The following CYSTM1 variants were observed in gnomAD, a reference collection of about 807,000 sequenced individuals.
CYSTM1 encodes cysteine rich transmembrane module containing 1.
Under a neutral mutation model 13.1 loss-of-function variants are expected in CYSTM1, and 4 were observed. That is an observed-to-expected ratio of 0.31 (90% CI 0.15 to 0.70). CYSTM1 has a LOEUF of 0.70. Ranked by LOEUF, CYSTM1 falls within the 30% of genes least tolerant of loss-of-function variation. The pLI is 0.72. For missense variants in CYSTM1, 96 were observed against 121.6 expected, an observed-to-expected ratio of 0.79 and a Z score of 0.99; for synonymous variants, 36 against 42.7, an observed-to-expected ratio of 0.84 and a Z score of 0.62.
chr5:140,210,249 C>G (rs891603649), intron 2 of CYSTM1, among the ~76,000 whole-genome samples: 3 of 152,246 alleles, frequency 2.0e-5, no homozygotes, highest in South Asian at 2.1e-4. Flanking sequence ...TTTTGTCATA[C>G]GCAACTTTTC....
At chr5:140,216,032 T>C (rs527801654) in intron 2 of CYSTM1, among the ~76,000 whole-genome samples, 55 of 152,128 alleles carry the variant, frequency 3.6e-4, no homozygotes, top group African/African-American at 1.3e-3. Context: ...GTCCCAGATA[T>C]TTGGGAGACT....
intron 2 of CYSTM1, among the ~76,000 whole-genome samples, chr5:140,221,947 T>G (rs929169602): frequency 6.6e-6 from 1 of 152,262 alleles, no homozygotes; most frequent in Non-Finnish European, 1.5e-5. Context: ...ATTGACCACA[T>G]TTCAGCTGGC....
intron 2 of CYSTM1, among the ~76,000 whole-genome samples, chr5:140,217,837 A>T (rs1248161997): frequency 6.6e-6 from 1 of 152,168 alleles, no homozygotes; most frequent in Admixed American, 6.5e-5. Context: ...CCACTCATTC[A>T]TTTAGTGTGC....
chr5:140,198,726 A>C (rs1764183559), intron 2 of CYSTM1, among the ~76,000 whole-genome samples: 1 of 152,154 alleles, frequency 6.6e-6, no homozygotes, highest in South Asian at 2.1e-4. Context: ...TGTACCATAC[A>C]ATTTACCCAT....
chr5:140,208,511 T>G (rs1399878443), intron 2 of CYSTM1, among the ~76,000 whole-genome samples: 1 of 152,048 alleles, frequency 6.6e-6, no homozygotes, highest in Non-Finnish European at 1.5e-5. Context: ...GAGTCTGGTA[T>G]TTGCTAGCAC....
In CYSTM1 at chr5:140,200,557, C is replaced by CTTTTTTTTTTTTT. The variant is rs57173526; in HGVS notation, c.187+5914_187+5926dup. ...ATTTCCTTCCACTCTTCCCCCCGGCCTTTTTTTTTTTTTTTTTTTTTGAGG... is the reference window on the plus strand; with the variant it reads ...ATTTCCTTCCACTCTTCCCCCCGGCCTTTTTTTTTTTTTTTTTTTTTTTTTTTTTTTTTTGAGG... On this transcript the variant is annotated intron_variant, in intron 2 of 2. Coordinates refer to ENST00000261811, the MANE Select transcript of CYSTM1 (RefSeq NM_032412.4). The CTTTTTTTTTTTTT allele has an allele frequency of 1.7e-4, 13 of 78,730 alleles. 1 individual carries two copies. Among genetic ancestry groups the CTTTTTTTTTTTTT allele is most frequent in the African/African-American group, 3.1e-4 (6 of 19,124 alleles). 4.9% of individuals were successfully genotyped at this position (78,730 alleles called of 1,614,324 possible).
At chr5:140,211,247 A>T (rs1253807292) in intron 2 of CYSTM1, among the ~76,000 whole-genome samples, 1 of 152,238 alleles carries the variant, frequency 6.6e-6, no homozygotes, top group African/African-American at 2.4e-5. Context: ...CATATAGATG[A>T]AGAAACTGAA....
chr5:140,194,718 T>C, intron 2 of CYSTM1, 66 bp downstream of exon 2: 1 of 1,522,364 alleles, frequency 6.6e-7, no homozygotes, highest in South Asian at 1.2e-5. Context: ...GCATGTTTTC[T>C]TTGGCAGAGA....
chr5:140,176,059 G>T (rs1763879889), intron 1 of CYSTM1, among the ~76,000 whole-genome samples: 1 of 152,044 alleles, frequency 6.6e-6, no homozygotes, highest in African/African-American at 2.4e-5. Flanking sequence ...GGGCTGTTTT[G>T]GGGGAAAAAA....
intron 2 of CYSTM1, among the ~76,000 whole-genome samples, chr5:140,214,810 C>T (rs1764409031): frequency 6.6e-6 from 1 of 152,198 alleles, no homozygotes; most frequent in Non-Finnish European, 1.5e-5. Context: ...TGGAGCTAAC[C>T]AGGCATTGTC....
intron 2 of CYSTM1, among the ~76,000 whole-genome samples, chr5:140,210,764 G>A (rs999023035): frequency 3.3e-5 from 5 of 151,952 alleles, no homozygotes; most frequent in Admixed American, 6.6e-5. Context: ...TGCCCGCCTC[G>A]GCCTCCCAAA....
chr5:140,199,131 T>A (rs946408670), intron 2 of CYSTM1, among the ~76,000 whole-genome samples: 1 of 152,224 alleles, frequency 6.6e-6, no homozygotes, highest in Non-Finnish European at 1.5e-5. Flanking sequence ...GCAAAGGACA[T>A]GAACTCATCC....
intron 1 of CYSTM1, among the ~76,000 whole-genome samples, chr5:140,187,703 T>C (rs894681790): frequency 7.9e-5 from 12 of 152,198 alleles, no homozygotes; most frequent in Non-Finnish European, 1.6e-4. Context: ...TTTTATAAGT[T>C]ACCAAGAAAG....
chr5:140,194,087 T>A (rs1675312245), intron 1 of CYSTM1, among the ~76,000 whole-genome samples: 1 of 152,198 alleles, frequency 6.6e-6, no homozygotes, highest in African/African-American at 2.4e-5. Context: ...TTATGGACAC[T>A]TCAGAGGAAT....
intron 2 of CYSTM1, among the ~76,000 whole-genome samples, chr5:140,211,720 G>A (rs1215793347): frequency 6.6e-6 from 1 of 152,242 alleles, no homozygotes; most frequent in East Asian, 1.9e-4. Context: ...GCCAAGGTGG[G>A]TGGATCACTT....
Position 140,195,364 on chromosome 5 carries a change from GTGC to G in CYSTM1, c.187+714_187+716del, listed in dbSNP as rs1357764363. On this transcript the variant is annotated intron_variant, in intron 2 of 2. Coordinates refer to ENST00000261811, the MANE Select transcript of CYSTM1 (RefSeq NM_032412.4). The stretch of plus-strand genomic sequence containing the variant: ...AAAGTAAAACATCTTGAGGAGCACT[GTGC>G]TAGATGTCTTGGTCACTATTTTGTA... Among the ~76,000 whole-genome samples the G allele has an allele frequency of 5.3e-5, 8 of 151,652 alleles. No homozygotes were observed. The East Asian group carries it at 1.6e-3, about 29-fold the overall frequency.
chr5:140,199,870 C>T (rs1764205980), intron 2 of CYSTM1, among the ~76,000 whole-genome samples: 1 of 152,140 alleles, frequency 6.6e-6, no homozygotes. Context: ...TCTCTAATGA[C>T]CAGTGATGAT....
At chr5:140,216,287 TGCTGGGTTTTTTACCC>T (rs1294672569) in intron 2 of CYSTM1, among the ~76,000 whole-genome samples, 2 of 152,250 alleles carry the variant, frequency 1.3e-5, no homozygotes, top group Non-Finnish European at 2.9e-5. Flanking sequence ...GTTGATGTCA[TGCTGGGTTTTTTACCC>T]ACAGAGAGGT....
chr5:140,223,975 C>G (rs1253612019), intron 2 of CYSTM1, among the ~76,000 whole-genome samples: 3 of 152,146 alleles, frequency 2.0e-5, no homozygotes, highest in African/African-American at 7.2e-5. Flanking sequence ...CTGACACATC[C>G]AGTTTCTCAG....
Sources: allele counts gnomAD v4.1 joint callset (sites outside exome capture counted in the v4.1 genomes callset), GRCh38; gene constraint gnomAD v4.1.1; transcripts MANE v1.5; gene names NCBI Gene and HGNC (gene_info 2026-07-23, HGNC 2026-07-21).